Variants in USP37 observed in about 807,000 individuals in gnomAD.
The protein encoded by USP37 is ubiquitin specific peptidase 37, also known as ubiquitin carboxyl-terminal hydrolase 37.
In USP37, 27 loss-of-function variants were observed where a neutral mutation model predicts 124.0. That is an observed-to-expected ratio of 0.22 (90% CI 0.16 to 0.30). The LOEUF is 0.30. Among genes scored for constraint, USP37 ranks in the 10% least tolerant of loss-of-function variants. The pLI, the probability that USP37 is intolerant of heterozygous loss-of-function variation, is 1.00. For synonymous variants in USP37, 365 were observed against 388.0 expected, an observed-to-expected ratio of 0.94 and a Z score of 0.70; for missense variants, 889 against 1,140.4, an observed-to-expected ratio of 0.78 and a Z score of 3.17.
intron 22 of USP37, among the ~76,000 whole-genome samples, chr2:218,460,529 A>AGC (rs1689960752): frequency 6.6e-6 from 1 of 152,190 alleles, no homozygotes; most frequent in Non-Finnish European, 1.5e-5. Flanking sequence ...ATTTCACTAA[A>AGC]TTCTATATGA....
intron 16 of USP37, among the ~76,000 whole-genome samples, chr2:218,482,675 T>C (rs1691325873): frequency 6.6e-6 from 1 of 152,364 alleles, no homozygotes; most frequent in South Asian, 2.1e-4. Context: ...TACTTCAAGA[T>C]GATTTTTGAT....
chr2:218,505,895 C>T (rs1207331327), intron 11 of USP37, among the ~76,000 whole-genome samples: 3 of 151,556 alleles, frequency 2.0e-5, no homozygotes, highest in Non-Finnish European at 4.4e-5. Context: ...CAAAGTCTTG[C>T]TCTCTGTCAC....
chr2:218,462,489 C>T (rs748825194), intron 22 of USP37, among the ~76,000 whole-genome samples: 2 of 152,160 alleles, frequency 1.3e-5, no homozygotes, highest in Non-Finnish European at 2.9e-5. Context: ...CTTCTAAAAC[C>T]TGGTCCACAT....
At chr2:218,479,597 G>C in intron 18 of USP37, 53 bp downstream of exon 18, 4 of 1,485,144 alleles carry the variant, frequency 2.7e-6, no homozygotes, top group South Asian at 2.3e-5. Context: ...TGGAGATTAG[G>C]GTAAGCCAAA....
chr2:218,562,174 A>C (rs1427998328), intron 2 of USP37, among the ~76,000 whole-genome samples: 9 of 152,254 alleles, frequency 5.9e-5, no homozygotes, highest in Non-Finnish European at 1.5e-5. Context: ...TCATTATATT[A>C]TCAGGGCTTG....
chr2:218,509,610 A>G (rs1159122772), intron 11 of USP37, among the ~76,000 whole-genome samples: 1 of 152,074 alleles, frequency 6.6e-6, no homozygotes, highest in Non-Finnish European at 1.5e-5. Flanking sequence ...GATAGCTACT[A>G]TAATTACTAC....
Position 218,455,639 on chromosome 2 carries a change from T to C in USP37, c.2793A>G (p.Gln931=), listed in dbSNP as rs766502519. 1 of 1,614,220 alleles carries C rather than the reference T, an allele frequency of 6.2e-7. No homozygotes were observed. Among genetic ancestry groups the C allele is most frequent in the Admixed American group, 1.7e-5 (1 of 60,024 alleles). ...CTCGATCACTCTGCACGGCAGCCTC[T>C]TGGATTTTTGATACCTCCAGGTCAT... ...TYNDLEVSKI[Q]EAAVQSDRDR... The change falls in exon 25 of 26, where the codon CAA becomes CAG. Residue 931 remains glutamine, a synonymous_variant. Transcript: ENST00000258399.
intron 1 of USP37, 149 bp from the exon 2 acceptor site, chr2:218,562,962 G>A (rs1319942859): frequency 1.1e-5 from 4 of 367,922 alleles, no homozygotes; most frequent in Non-Finnish European, 4.8e-6. Flanking sequence ...TCAGGAGTTC[G>A]AGACCAGCCT....
intron 9 of USP37, among the ~76,000 whole-genome samples, chr2:218,531,416 G>GA (rs1347787285): frequency 3.3e-5 from 5 of 152,144 alleles, no homozygotes; most frequent in Non-Finnish European, 4.4e-5. Flanking sequence ...CCAATGCTCA[G>GA]AAAAAAAGAT....
At chr2:218,497,324 G>C (rs2105989976) in intron 13 of USP37, among the ~76,000 whole-genome samples, 1 of 150,058 alleles carries the variant, frequency 6.7e-6, no homozygotes, top group Middle Eastern at 3.9e-3. Flanking sequence ...ACCCACCGTG[G>C]CCTCCCAAAG....
chr2:218,481,480 T>C (rs1691267252), intron 17 of USP37, among the ~76,000 whole-genome samples: 1 of 152,182 alleles, frequency 6.6e-6, no homozygotes, highest in Non-Finnish European at 1.5e-5. Flanking sequence ...GTTTGACTCA[T>C]ATTCAAGAAG....
chr2:218,553,593 C>T lies in USP37; in HGVS notation c.288G>A (p.Arg96=). 2 of 1,613,788 alleles carry T rather than the reference C, an allele frequency of 1.2e-6. No homozygotes were observed. The highest frequency in any genetic ancestry group is 1.1e-5 in the South Asian group (1 of 91,026). ...KVPSKDAEEM[R]LFLDAVHQNR... ...TTTGATGGACTGCATCTAGAAACAACCTCATTTCCTCTGCATCCTTACTTG... is the reference window on the plus strand; with the variant it reads ...TTTGATGGACTGCATCTAGAAACAATCTCATTTCCTCTGCATCCTTACTTG... The change falls in exon 5 of 26, where the codon AGG becomes AGA. Residue 96 remains arginine, a synonymous_variant. Transcript: ENST00000258399.
At chr2:218,492,241 A>G (rs1688821820) in intron 14 of USP37, among the ~76,000 whole-genome samples, 1 of 152,094 alleles carries the variant, frequency 6.6e-6, no homozygotes, top group South Asian at 2.1e-4. Flanking sequence ...AAATAAGAGA[A>G]TTTTGGGAAA....
At chr2:218,478,214 T>C (rs1288614480) in intron 18 of USP37, among the ~76,000 whole-genome samples, 1 of 152,122 alleles carries the variant, frequency 6.6e-6, no homozygotes, top group African/African-American at 2.4e-5. Context: ...AAACATAGTG[T>C]GTGGCTCAGA....
At chr2:218,504,337 T>C (rs908231502) in intron 11 of USP37, among the ~76,000 whole-genome samples, 1 of 152,170 alleles carries the variant, frequency 6.6e-6, no homozygotes, top group Non-Finnish European at 1.5e-5. Flanking sequence ...CAGCACAGAG[T>C]TCAGTTTTGC....
At chr2:218,565,800 G>A (rs1354480183) in intron 1 of USP37, among the ~76,000 whole-genome samples, 1 of 152,196 alleles carries the variant, frequency 6.6e-6, no homozygotes, top group African/African-American at 2.4e-5. Flanking sequence ...TGTAATCCCA[G>A]CACTTTGGGA....
intron 4 of USP37, among the ~76,000 whole-genome samples, chr2:218,556,237 T>C (rs1200744249): frequency 6.6e-6 from 1 of 152,180 alleles, no homozygotes; most frequent in Admixed American, 6.5e-5. Flanking sequence ...GTTCCCTGAG[T>C]GCTGATTCAC....
intron 20 of USP37, 37 bp downstream of exon 20, chr2:218,474,593 T>C (rs1355382699): frequency 6.2e-7 from 1 of 1,602,280 alleles, no homozygotes; most frequent in South Asian, 1.1e-5. Flanking sequence ...AAGAGTTATG[T>C]TTTGTTTCAC....
At chr2:218,540,585 T>G (rs1691921445) in intron 8 of USP37, among the ~76,000 whole-genome samples, 1 of 152,144 alleles carries the variant, frequency 6.6e-6, no homozygotes, top group Non-Finnish European at 1.5e-5. Context: ...GAGGCTACAG[T>G]GAGCTATGAC....
Sources: allele counts gnomAD v4.1 joint callset (sites outside exome capture counted in the v4.1 genomes callset), GRCh38; gene constraint gnomAD v4.1.1; transcripts MANE v1.5; gene names NCBI Gene and HGNC (gene_info 2026-07-23, HGNC 2026-07-21).